NPEPPS: variants seen among roughly 807,000 people sequenced by gnomAD.
The protein encoded by NPEPPS is puromycin-sensitive aminopeptidase.
A neutral mutation model predicts 115.5 loss-of-function variants in NPEPPS; 14 were observed. The ratio of observed to expected loss-of-function variants is 0.12; its 90% CI spans 0.08 to 0.19. The LOEUF (loss-of-function observed/expected upper bound fraction) is 0.19. NPEPPS is among the 10% of genes least tolerant of loss of function. NPEPPS has a pLI of 1.00. For synonymous variants in NPEPPS, 285 were observed against 390.6 expected, an observed-to-expected ratio of 0.73 and a Z score of 3.19; for missense variants, 523 against 1,110.8, an observed-to-expected ratio of 0.47 and a Z score of 7.52.
At chr17:47,613,787 CCT>C (rs1489301163) in intron 19 of NPEPPS, 62 bp downstream of exon 19, 2 of 1,209,718 alleles carry the variant, frequency 1.7e-6, no homozygotes, top group African/African-American at 1.5e-5. Flanking sequence ...ACACAGTAAA[CCT>C]CTAAATGGTT....
At chr17:47,536,672 G>A (rs1453387106) in intron 1 of NPEPPS, among the ~76,000 whole-genome samples, 1 of 148,364 alleles carries the variant, frequency 6.7e-6, no homozygotes, top group Non-Finnish European at 1.5e-5. Flanking sequence ...TGGGATTATG[G>A]GCGTGAGCCA....
Position 47,601,722 on chromosome 17 carries a change from A to G in NPEPPS, c.1715A>G (p.Asn572Ser). The G allele has an allele frequency of 6.2e-7, 1 of 1,613,714 alleles. No individual in the cohort carries two copies. Among genetic ancestry groups the G allele is most frequent in the African/African-American group, 1.3e-5 (1 of 75,028 alleles). The change falls in exon 15 of 23, where the codon AAT becomes AGT. Residue 572 changes from asparagine (N) to serine (S), a missense_variant. Physicochemically the swap from Asn to Ser is conservative, Grantham distance 46. Coordinates refer to ENST00000322157, the MANE Select transcript of NPEPPS (RefSeq NM_006310.4). ...DKPEMNVVLK[N>S]VKPDQWVKLN... ...CCAGAGATGAATGTGGTTTTGAAAA[A>G]TGTCAAACCAGACCAATGGGTGAAG...
At chr17:47,565,496 A>G (rs1910746668) in intron 2 of NPEPPS, among the ~76,000 whole-genome samples, 1 of 117,608 alleles carries the variant, frequency 8.5e-6, no homozygotes, top group Non-Finnish European at 1.7e-5. Flanking sequence ...ACAGAGCAAG[A>G]CTCCATCTCA....
At chr17:47,603,858 G>T in intron 15 of NPEPPS, 57 bp from the exon 16 acceptor site, 1 of 1,499,338 alleles carries the variant, frequency 6.7e-7, no homozygotes, top group Non-Finnish European at 9.1e-7. Context: ...ACATACAAAA[G>T]GTTGATTTAA....
chr17:47,607,022 G>A (rs1389031378), intron 17 of NPEPPS, among the ~76,000 whole-genome samples: 5 of 151,736 alleles, frequency 3.3e-5, no homozygotes, highest in Non-Finnish European at 4.4e-5. Context: ...GTGAAACCCC[G>A]TCTCTACTAA....
rs554057187 is a variant in NPEPPS, at chr17:47,618,951, T to C, written c.2404-58T>C. 109 of 1,528,804 alleles carry C rather than the reference T, an allele frequency of 7.1e-5. 1 individual carries two copies. In the Middle Eastern group the frequency reaches 2.7e-3, roughly 37 times the overall value. 94.7% of individuals were successfully genotyped at this position (1,528,804 alleles called of 1,614,324 possible). On this transcript the variant is annotated intron_variant, in intron 20 of 22. Coordinates refer to ENST00000322157, the MANE Select transcript of NPEPPS (RefSeq NM_006310.4). The stretch of plus-strand genomic sequence containing the variant: ...TTCAGTGTCACAGTATGGTGCACTT[T>C]CTGGTACCAGAATATGTTTTTGATA...
intron 2 of NPEPPS, among the ~76,000 whole-genome samples, chr17:47,560,024 G>A (rs1910328118): frequency 6.6e-6 from 1 of 152,092 alleles, no homozygotes; most frequent in Non-Finnish European, 1.5e-5. Flanking sequence ...AGCAAAAGTG[G>A]CCTAGAATGC....
At chr17:47,569,171 C>T (rs1372176712) in intron 2 of NPEPPS, among the ~76,000 whole-genome samples, 1 of 151,966 alleles carries the variant, frequency 6.6e-6, no homozygotes, top group Non-Finnish European at 1.5e-5. Flanking sequence ...AGCCTTCTTT[C>T]CTGTACATCA....
chr17:47,613,851 T>C, intron 19 of NPEPPS, 126 bp downstream of exon 19: 2 of 646,726 alleles, frequency 3.1e-6, no homozygotes, highest in South Asian at 4.2e-5. Flanking sequence ...GACATGCAAG[T>C]ATTTTAAAAC....
chr17:47,591,928 C>T, intron 10 of NPEPPS, 28 bp from the exon 11 acceptor site: 1 of 782,030 alleles, frequency 1.3e-6, no homozygotes, highest in Non-Finnish European at 2.1e-6. Flanking sequence ...TGCTTCCTGT[C>T]ATAACCCTGA....
chr17:47,547,511 A>G, intron 2 of NPEPPS, among the ~76,000 whole-genome samples: 1 of 151,886 alleles, frequency 6.6e-6, no homozygotes. Flanking sequence ...ATGCCTGGCT[A>G]ATATTCGTAT....
intron 1 of NPEPPS, among the ~76,000 whole-genome samples, chr17:47,545,553 A>G (rs1298051271): frequency 1.3e-5 from 2 of 151,962 alleles, no homozygotes; most frequent in African/African-American, 4.8e-5. Flanking sequence ...CATCATTATT[A>G]TTATTATTTG....
rs572439439 is a variant in NPEPPS at position 47,595,150 on chromosome 17, C to T, written c.1427-1203C>T. ...TTCACCATGTTGGCCAGGCTGGTTT[C>T]GAACTCCTGACCTCAGGTGACGTGC... On this transcript the variant is annotated intron_variant, in intron 12 of 22. Transcript: ENST00000322157. 1.1e-4 allele frequency among the ~76,000 whole-genome samples: 16 copies of T among 152,212 alleles called. No individual in the cohort carries two copies. The East Asian group carries it at 2.1e-3, about 20-fold the overall frequency.
At chr17:47,533,586 A>C (rs1476088065) in intron 1 of NPEPPS, among the ~76,000 whole-genome samples, 5 of 152,204 alleles carry the variant, frequency 3.3e-5, no homozygotes, top group Admixed American at 2.6e-4. Context: ...ATTTTGGGAA[A>C]AGTCTAGAAA....
intron 2 of NPEPPS, among the ~76,000 whole-genome samples, chr17:47,549,347 AT>A (rs1909464827): frequency 1.3e-5 from 2 of 152,038 alleles, no homozygotes; most frequent in South Asian, 2.1e-4. Context: ...CAAAAAAAAA[AT>A]ATTTTCCTTC....
chr17:47,608,223 G>T (rs907061335), intron 17 of NPEPPS, among the ~76,000 whole-genome samples: 1 of 152,178 alleles, frequency 6.6e-6, no homozygotes, highest in Non-Finnish European at 1.5e-5. Flanking sequence ...GGAAGGCTGA[G>T]GGGGGTGGAA....
chr17:47,613,257 C>CTT lies in NPEPPS; in HGVS notation c.2239-389_2239-388dup, dbSNP rs753383358. Among the ~76,000 whole-genome samples, 233 of 98,216 alleles carry CTT rather than the reference C, an allele frequency of 2.4e-3. 8 individuals are homozygous for CTT. Among genetic ancestry groups the CTT allele is most frequent in the African/African-American group, 4.7e-3 (112 of 23,650 alleles). The allele number at this position is 98,216 out of a possible 152,430, so 64.4% of individuals were successfully genotyped here. On this transcript the variant is annotated intron_variant, in intron 18 of 22. Coordinates refer to ENST00000322157, the MANE Select transcript of NPEPPS (RefSeq NM_006310.4). ...GTAATATTCACATTTATAATATTTA[C>CTT]TTTTTTTTTTTTTTTTTTTTTTTTC...
Position 47,557,621 on chromosome 17 carries a change from A to T in NPEPPS, c.340+11628A>T, listed in dbSNP as rs1346188735. On this transcript the variant is annotated intron_variant, in intron 2 of 22. Transcript: ENST00000322157. ...TTAAATATAAATTTTAATCCTAAAA[A>T]TGTACTGCTTTTAGCTGCAGCCCAC... 2 of 149,118 alleles carry T rather than the reference A, an allele frequency of 1.3e-5. 1 individual carries two copies. Among genetic ancestry groups the T allele is most frequent in the Non-Finnish European group, 3.0e-5 (2 of 66,888 alleles). 9.2% of individuals were successfully genotyped at this position (149,118 alleles called of 1,614,324 possible). A position where few individuals can be genotyped will look rare whatever the true frequency, so the allele number is the denominator to read the frequency against.
intron 15 of NPEPPS, 115 bp downstream of exon 15, chr17:47,601,862 T>G (rs900221597): frequency 5.4e-6 from 6 of 1,117,004 alleles, no homozygotes; most frequent in Non-Finnish European, 6.3e-6. Flanking sequence ...AAACTTTTCT[T>G]TGTGAAACTT....
Sources: allele counts gnomAD v4.1 joint callset (sites outside exome capture counted in the v4.1 genomes callset), GRCh38; gene constraint gnomAD v4.1.1; transcripts MANE v1.5; gene names NCBI Gene and HGNC (gene_info 2026-07-23, HGNC 2026-07-21).